PPP2R2D: variants seen among roughly 807,000 people sequenced by gnomAD.
The protein encoded by PPP2R2D is protein phosphatase 2 regulatory subunit Bdelta.
In PPP2R2D, 9 loss-of-function variants were observed where a neutral mutation model predicts 31.1. That is an observed-to-expected ratio of 0.29 (90% confidence interval 0.17 to 0.51). PPP2R2D has a LOEUF of 0.51. PPP2R2D is among the 20% of genes least tolerant of loss of function. PPP2R2D has a pLI of 0.98. For missense variants in PPP2R2D, 391 were observed against 465.6 expected (o/e 0.84, Z 1.48); for synonymous variants, 179 against 172.6 (o/e 1.04, Z -0.29).
At position 131,952,831 on chromosome 10, in the gene PPP2R2D, G is replaced by T. The variant is rs1276710711; in HGVS notation, c.1083-2853G>T. Among the ~76,000 whole-genome samples, 2 of 80,140 alleles carry T rather than the reference G, an allele frequency of 2.5e-5. 1 individual carries two copies. Among genetic ancestry groups the T allele is most frequent in the African/African-American group, 1.1e-4 (2 of 17,588 alleles). 52.6% of individuals were successfully genotyped at this position (80,140 alleles called of 152,430 possible). A position where few individuals can be genotyped will look rare whatever the true frequency, so the allele number is the denominator to read the frequency against. ...GCAGTGACTTGCGGGTGTGTGTGTGGGGTTCACTGTCTTAGCAGTGACTTG... is the reference window on the plus strand; with the variant it reads ...GCAGTGACTTGCGGGTGTGTGTGTGTGGTTCACTGTCTTAGCAGTGACTTG... On this transcript the variant is annotated intron_variant, in intron 8 of 8. Coordinates refer to ENST00000455566, the MANE Select transcript of PPP2R2D (RefSeq NM_018461.5).
the PPP2R2D span, chr10:131,970,838 C>T: frequency 6.2e-7 from 1 of 1,614,094 alleles, no homozygotes; most frequent in African/African-American, 1.3e-5. This position sits in a 1 kb window ranked among gnomAD's most constrained non-coding sequence, Gnocchi z 4.1. Flanking sequence ...CAAGGGGTGC[C>T]CCCGTGACAC....
chr10:131,910,681 C>T (rs2035667555), intron 2 of PPP2R2D, among the ~76,000 whole-genome samples: 1 of 152,196 alleles, frequency 6.6e-6, no homozygotes, highest in Admixed American at 6.5e-5. Flanking sequence ...CTCCTAAAAT[C>T]CTCGGGCTCG....
intron 2 of PPP2R2D, among the ~76,000 whole-genome samples, chr10:131,916,561 C>T (rs186922426): frequency 2.2e-4 from 33 of 152,250 alleles, no homozygotes; most frequent in African/African-American, 7.5e-4. Flanking sequence ...CGGCCCCTGG[C>T]GACCACCATT....
intron 6 of PPP2R2D, among the ~76,000 whole-genome samples, chr10:131,944,702 G>A (rs1282296185): frequency 6.6e-6 from 1 of 152,198 alleles, no homozygotes; most frequent in African/African-American, 2.4e-5. Context: ...TTGAGCTGGG[G>A]TTCCATGTCG....
At chr10:131,970,795 G>A in the PPP2R2D span, 12 of 1,614,218 alleles carry the variant, frequency 7.4e-6, no homozygotes, top group East Asian at 4.5e-5. This position sits in a 1 kb window ranked among gnomAD's most constrained non-coding sequence, Gnocchi z 4.1. Context: ...TCCCTGAGGC[G>A]GGAAGAAACG....
At chr10:131,954,904 T>G (rs1292209221) in intron 8 of PPP2R2D, among the ~76,000 whole-genome samples, 1 of 152,248 alleles carries the variant, frequency 6.6e-6, no homozygotes, top group African/African-American at 2.4e-5. Flanking sequence ...GAACACATCT[T>G]TCATCAGAAA....
At chr10:131,931,521 T>C (rs556479888) in intron 2 of PPP2R2D, among the ~76,000 whole-genome samples, 1 of 152,266 alleles carries the variant, frequency 6.6e-6, no homozygotes, top group East Asian at 1.9e-4. Flanking sequence ...CTGATTTTTG[T>C]ATTTTTAGTA....
rs1175852513 is a variant in PPP2R2D, at chr10:131,907,589, A to G, written c.100+6259A>G. ...CCCCGTCTCTACTAAAAAAAATACA[A>G]AAAATCAGCTGGGTGTGGTCGCGGG... On this transcript the variant is annotated intron_variant, in intron 2 of 8. Transcript: ENST00000455566. Among the ~76,000 whole-genome samples the G allele has an allele frequency of 1.3e-5, 2 of 152,086 alleles. 1 individual carries two copies. Among genetic ancestry groups the G allele is most frequent in the Non-Finnish European group, 2.9e-5 (2 of 67,998 alleles).
chr10:131,971,015 G>T, the PPP2R2D span: 1 of 1,572,418 alleles, frequency 6.4e-7, no homozygotes, highest in South Asian at 1.1e-5. Flanking sequence ...TACCACACGT[G>T]ACACGGGAAA....
At chr10:131,965,494 G>A in the PPP2R2D span, among the ~76,000 whole-genome samples, 6 of 152,192 alleles carry the variant, frequency 3.9e-5, no homozygotes, top group African/African-American at 1.2e-4. Context: ...CTGTCGCCCA[G>A]GCTGGAGTGC....
intron 2 of PPP2R2D, among the ~76,000 whole-genome samples, chr10:131,914,933 G>A (rs1293344411): frequency 6.6e-6 from 1 of 152,062 alleles, no homozygotes; most frequent in Non-Finnish European, 1.5e-5. Flanking sequence ...AGGTAAAGAG[G>A]GAGTTCTAGC....
At position 131,956,017 on chromosome 10, in the gene PPP2R2D, T is replaced by A; in HGVS notation, c.*54T>A. The A allele has an allele frequency of 7.2e-7, 1 of 1,379,566 alleles. No homozygotes were observed. Among genetic ancestry groups the A allele is most frequent in the Non-Finnish European group, 9.5e-7 (1 of 1,056,992 alleles). The allele number at this position is 1,379,566 out of a possible 1,614,324, so 85.5% of individuals were successfully genotyped here. On this transcript the variant is annotated 3_prime_UTR_variant, in exon 9 of 9. Coordinates refer to ENST00000455566, the MANE Select transcript of PPP2R2D (RefSeq NM_018461.5). ...CTTGCATAGTTAAGCCGGACATTTT[T>A]CTGTCAGAGAAAAGGCATCATTGTC...
chr10:131,952,006 T>G (rs1322700867), intron 8 of PPP2R2D, among the ~76,000 whole-genome samples: 1 of 150,786 alleles, frequency 6.6e-6, no homozygotes, highest in African/African-American at 2.4e-5. Context: ...GGGGTCACTC[T>G]CTTAGCAGTG....
intron 2 of PPP2R2D, among the ~76,000 whole-genome samples, chr10:131,932,447 A>G (rs2036252627): frequency 6.6e-6 from 1 of 152,078 alleles, no homozygotes; most frequent in Non-Finnish European, 1.5e-5. Context: ...CGGGCTGATG[A>G]CGTGAGGCCA....
At chr10:131,924,849 G>A (rs2036072065) in intron 2 of PPP2R2D, among the ~76,000 whole-genome samples, 1 of 151,808 alleles carries the variant, frequency 6.6e-6, no homozygotes, top group Admixed American at 6.6e-5. Flanking sequence ...ATATTTTGCA[G>A]TTTTCAATGT....
chr10:131,963,034 G>A (rs961744586), downstream of PPP2R2D, among the ~76,000 whole-genome samples: 27 of 152,242 alleles, frequency 1.8e-4, no homozygotes, highest in African/African-American at 5.5e-4. Context: ...ATGTGGTGGC[G>A]GACGCTTGTA....
chr10:131,910,828 T>G (rs1040793311), intron 2 of PPP2R2D, among the ~76,000 whole-genome samples: 2 of 151,576 alleles, frequency 1.3e-5, no homozygotes, highest in African/African-American at 4.9e-5. Context: ...CCTCGGGGAG[T>G]GGTGAGGGGT....
At chr10:131,971,080 G>A in the PPP2R2D span, 6 of 1,007,126 alleles carry the variant, frequency 6.0e-6, no homozygotes, top group Non-Finnish European at 6.0e-6. Flanking sequence ...AGAGCCCAGA[G>A]GCACATGTCA....
At chr10:131,921,491 G>A (rs1456317662) in intron 2 of PPP2R2D, among the ~76,000 whole-genome samples, 1 of 152,172 alleles carries the variant, frequency 6.6e-6, no homozygotes, top group African/African-American at 2.4e-5. Context: ...GGACCGGGAT[G>A]GGGGATGGGA....
Sources: allele counts gnomAD v4.1 joint callset (sites outside exome capture counted in the v4.1 genomes callset), GRCh38; gene constraint gnomAD v4.1.1; non-coding constraint Gnocchi (gnomAD v3.1); transcripts MANE v1.5; gene names NCBI Gene and HGNC (gene_info 2026-07-23, HGNC 2026-07-21).